Variants in DAAM2 observed in about 807,000 individuals in gnomAD.
DAAM2 encodes the protein dishevelled associated activator of morphogenesis 2, also known as disheveled-associated activator of morphogenesis 2.
A neutral mutation model predicts 120.7 loss-of-function variants in DAAM2; 39 were observed. That is an observed-to-expected ratio of 0.32 (90% confidence interval 0.25 to 0.42). The LOEUF (loss-of-function observed/expected upper bound fraction) is 0.42, where lower values mean the gene tolerates loss of function less well. DAAM2 is among the 10% of genes least tolerant of loss of function. The pLI is 1.00. For missense variants in DAAM2, 1,283 were observed against 1,401.7 expected, an observed-to-expected ratio of 0.92 and a Z score of 1.35; for synonymous variants, 488 against 524.9, an observed-to-expected ratio of 0.93 and a Z score of 0.96.
At position 39,897,179 on chromosome 6, in the gene DAAM2, A is replaced by T; in HGVS notation, c.2515A>T (p.Ile839Phe). The change falls in exon 21 of 25, where the codon ATC (isoleucine) becomes TTC (phenylalanine). Residue 839 changes from isoleucine to phenylalanine, a missense_variant. By Grantham distance (21) the Ile-to-Phe change is conservative. Around this residue, in one of 3 missense-constraint regions of DAAM2, gnomAD observed 748 missense variants for 768.6 expected, o/e 0.97. Coordinates refer to ENST00000274867, the MANE Select transcript of DAAM2 (RefSeq NM_001201427.2). ...ADTKSSIDRN[I>F]SLLHYLIMIL... ...TGACCTGACTTTCATCCACAGAAAC[A>T]TCTCTCTGCTCCATTACCTGATCAT... is the stretch of plus-strand genomic sequence containing the variant. 6.2e-7 allele frequency: 1 copy of T among 1,612,336 alleles called. No homozygotes were observed. Among genetic ancestry groups the T allele is most frequent in the African/African-American group, 1.3e-5 (1 of 74,996 alleles).
At chr6:39,832,371 T>C (rs1463602836) in intron 1 of DAAM2, among the ~76,000 whole-genome samples, 1 of 152,082 alleles carries the variant, frequency 6.6e-6, no homozygotes, top group East Asian at 1.9e-4. Context: ...TGTTTTTTGC[T>C]CTTGTCCTCT....
chr6:39,896,966 G>A lies in DAAM2; in HGVS notation c.2496G>A (p.Lys832=). Residue 832 remains lysine (K), a synonymous_variant, in exon 20 of 25, where the codon AAG becomes AAA. Transcript: ENST00000274867. ...VASLNKIADT[K]SSIDRNISLL... ...GCCTCAACAAGATCGCTGACACCAA[G>A]TCCAGCATCGACAGGTGAGGACCTC... 3.1e-6 allele frequency: 5 copies of A among 1,609,678 alleles called. No individual in the cohort carries two copies. Among genetic ancestry groups the A allele is most frequent in the Non-Finnish European group, 4.2e-6 (5 of 1,177,798 alleles).
At position 39,863,260 on chromosome 6, in the gene DAAM2, A is replaced by G. The variant is rs73430510; in HGVS notation, c.259-1173A>G. Among the ~76,000 whole-genome samples, 1,340 of 152,176 alleles carry G rather than the reference A, an allele frequency of 8.8e-3. 96 individuals carry two copies. In the East Asian group the frequency reaches 0.17, roughly 19 times the overall value. ...TTTAGGAAAGGATGTGTTTGCCGAC[A>G]CAATTGTTTTTGGTGCTGATTCCCC... On this transcript the variant is annotated intron_variant, in intron 3 of 24. Coordinates refer to ENST00000274867, the MANE Select transcript of DAAM2 (RefSeq NM_001201427.2).
chr6:39,811,677 A>C (rs919169030), intron 1 of DAAM2, among the ~76,000 whole-genome samples: 1 of 151,966 alleles, frequency 6.6e-6, no homozygotes, highest in Non-Finnish European at 1.5e-5. Flanking sequence ...GAAGTCTTTT[A>C]TGTCTGGGTT....
chr6:39,795,175 T>C (rs1450339278), intron 1 of DAAM2, among the ~76,000 whole-genome samples: 3 of 152,218 alleles, frequency 2.0e-5, no homozygotes, highest in Admixed American at 2.0e-4. Flanking sequence ...AGCTCTTTGG[T>C]CATCTTTGAG....
At chr6:39,868,796 C>G in intron 6 of DAAM2, 27 bp from the exon 7 acceptor site, 2 of 1,535,004 alleles carry the variant, frequency 1.3e-6, no homozygotes, top group Non-Finnish European at 1.8e-6. Flanking sequence ...GCCCTCTCCT[C>G]CTGCTCTGTC....
At chr6:39,830,718 G>T (rs1236541521) in intron 1 of DAAM2, among the ~76,000 whole-genome samples, 1 of 152,178 alleles carries the variant, frequency 6.6e-6, no homozygotes, top group African/African-American at 2.4e-5. Context: ...CCAGGCCCAG[G>T]CAGCAGGAGG....
At chr6:39,900,291 C>T in intron 23 of DAAM2, 83 bp downstream of exon 23, 4 of 1,497,196 alleles carry the variant, frequency 2.7e-6, no homozygotes, top group Non-Finnish European at 3.6e-6. Flanking sequence ...ACAGACAGCC[C>T]AGGAGGGACA....
intron 1 of DAAM2, among the ~76,000 whole-genome samples, chr6:39,837,021 C>T (rs1763127013): frequency 6.6e-6 from 1 of 152,186 alleles, no homozygotes; most frequent in Admixed American, 6.5e-5. Flanking sequence ...CCACTCCCTC[C>T]CTTCCCAGAC....
chr6:39,892,597 A>T (rs956967893), intron 19 of DAAM2, among the ~76,000 whole-genome samples: 4 of 152,032 alleles, frequency 2.6e-5, no homozygotes, highest in Non-Finnish European at 4.4e-5. Context: ...TAAGCAGGAG[A>T]GGCTGGGAGG....
chr6:39,834,895 A>G (rs891852705), intron 1 of DAAM2, among the ~76,000 whole-genome samples: 1 of 152,172 alleles, frequency 6.6e-6, no homozygotes, highest in African/African-American at 2.4e-5. Flanking sequence ...GCTCAGTTTC[A>G]GACTCATTTT....
chr6:39,864,863 T>C, intron 4 of DAAM2, 117 bp from the exon 5 acceptor site: 1 of 1,301,058 alleles, frequency 7.7e-7, no homozygotes, highest in South Asian at 1.4e-5. Flanking sequence ...TCGGTCTCAG[T>C]AAACCATTCC....
rs1383079625 is a variant in DAAM2 at position 39,902,607 on chromosome 6, A to G, written c.*570A>G. 1 of 152,336 alleles carries G rather than the reference A, an allele frequency of 6.6e-6. No homozygotes were observed. The highest frequency in any genetic ancestry group is 1.5e-5 in the Non-Finnish European group (1 of 68,126). 9.4% of individuals were successfully genotyped at this position (152,336 alleles called of 1,614,324 possible). ...TCTGGTAGGTTCCAGAGAACAGTCA[A>G]TGTTGGAAGGATGATGCAGGGACCA... On this transcript the variant is annotated 3_prime_UTR_variant, in exon 25 of 25. Coordinates refer to ENST00000274867, the MANE Select transcript of DAAM2 (RefSeq NM_001201427.2).
At chr6:39,843,360 G>A (rs1763428685) in intron 1 of DAAM2, among the ~76,000 whole-genome samples, 1 of 152,170 alleles carries the variant, frequency 6.6e-6, no homozygotes, top group Non-Finnish European at 1.5e-5. Flanking sequence ...TAGTCCAGCA[G>A]TTACTGAGAT....
chr6:39,848,351 T>A (rs978424343), intron 1 of DAAM2, among the ~76,000 whole-genome samples: 1 of 152,158 alleles, frequency 6.6e-6, no homozygotes, highest in African/African-American at 2.4e-5. Context: ...AATGAATGAA[T>A]GAATATTTGA....
intron 1 of DAAM2, among the ~76,000 whole-genome samples, chr6:39,800,694 C>T (rs1046030277): frequency 1.3e-5 from 2 of 152,216 alleles, no homozygotes; most frequent in Non-Finnish European, 2.9e-5. Flanking sequence ...TCCTGGGTCA[C>T]CCTGAAACCA....
chr6:39,883,202 G>T (rs541059838), intron 14 of DAAM2, among the ~76,000 whole-genome samples: 268 of 121,516 alleles, frequency 2.2e-3, no homozygotes, highest in African/African-American at 7.9e-3. Flanking sequence ...TTTTTTTTTG[G>T]CTTGACTAAC....
Position 39,856,483 on chromosome 6 carries a change from G to A in DAAM2, c.168+13G>A. The A allele has an allele frequency of 1.4e-6, 2 of 1,431,344 alleles. No individual in the cohort carries two copies. Among genetic ancestry groups the A allele is most frequent in the Non-Finnish European group, 1.8e-6 (2 of 1,085,744 alleles). 88.7% of individuals were successfully genotyped at this position (1,431,344 alleles called of 1,614,324 possible). A position where few individuals can be genotyped will look rare whatever the true frequency, so the allele number is the denominator to read the frequency against. ...TGCAGAGCTGGTGGTCAGTGAGAGG[G>A]TGGGGAGAGACAGTGACAATGGGGA... On this transcript the variant is annotated intron_variant, in intron 2 of 24. Transcript: ENST00000274867.
intron 1 of DAAM2, 181 bp from the exon 2 acceptor site, chr6:39,856,066 G>C: frequency 1.0e-6 from 1 of 983,560 alleles, no homozygotes; most frequent in Non-Finnish European, 1.2e-6. Flanking sequence ...CAGGTGGGAA[G>C]AGCTGGAGGG....
Sources: allele counts gnomAD v4.1 joint callset (sites outside exome capture counted in the v4.1 genomes callset), GRCh38; gene constraint gnomAD v4.1.1; regional missense constraint gnomAD v4.1.1; transcripts MANE v1.5; gene names NCBI Gene and HGNC (gene_info 2026-07-23, HGNC 2026-07-21).